Variants in KIF25 observed in about 807,000 individuals in gnomAD.
KIF25 encodes the protein kinesin-like protein KIF25.
KIF25 carries 19 observed loss-of-function variants against 32.9 expected under a neutral mutation model. The ratio of observed to expected loss-of-function variants is 0.58; its 90% CI spans 0.40 to 0.85. The LOEUF is 0.85. Among genes scored for constraint, KIF25 ranks in the 40% least tolerant of loss-of-function variants. The pLI is 0.00. For missense variants in KIF25, 485 were observed against 507.0 expected, an observed-to-expected ratio of 0.96 and a Z score of 0.42; for synonymous variants, 225 against 213.7, an observed-to-expected ratio of 1.05 and a Z score of -0.46.
intron 10 of KIF25, 28 bp from the exon 11 acceptor site, chr6:168,041,941 C>T (rs984864014): frequency 6.5e-7 from 1 of 1,548,326 alleles, no homozygotes; most frequent in Non-Finnish European, 8.7e-7. Context: ...AACTGTTTTC[C>T]TCCTCGTCGC....
rs535182976 is a variant in KIF25 at position 168,038,702 on chromosome 6, G to A, written c.467G>A (p.Arg156Gln). 8.1e-6 allele frequency: 13 copies of A among 1,613,976 alleles called. No individual in the cohort carries two copies. Among genetic ancestry groups the A allele is most frequent in the South Asian group, 6.6e-5 (6 of 91,060 alleles). ...GAGGTGGTGACAGCCAAGGATGGAC[G>A]GACAGAGGTTGCGCTGCTGGCCTCT... Reference protein sequence around the residue: ...KREVVTAKDGRTEVALLASEA... With the variant: ...KREVVTAKDGQTEVALLASEA... The change falls in exon 9 of 13, where the codon CGG becomes CAG. Residue 156 changes from arginine to glutamine, a missense_variant. Coordinates refer to ENST00000643607, the MANE Select transcript of KIF25 (RefSeq NM_030615.4).
intron 8 of KIF25, chr6:168,035,598 G>T (rs1184111770): frequency 4.7e-6 from 2 of 426,606 alleles, no homozygotes; most frequent in Non-Finnish European, 9.6e-6. Flanking sequence ...AGATGGCCAG[G>T]CGGCTGCGCC....
chr6:168,022,042 A>G (rs568109056), intron 5 of KIF25, among the ~76,000 whole-genome samples: 1 of 152,236 alleles, frequency 6.6e-6, no homozygotes, highest in African/African-American at 2.4e-5. Flanking sequence ...TTAATCTTTG[A>G]ATTAATGTCA....
intron 8 of KIF25, 105 bp downstream of exon 8, chr6:168,034,136 G>T: frequency 1.7e-6 from 2 of 1,185,164 alleles, no homozygotes; most frequent in Non-Finnish European, 2.4e-6. Flanking sequence ...TGAAGAAGGT[G>T]ATCAAACCCC....
chr6:168,042,479 C>T lies in KIF25; in HGVS notation c.830-82C>T, dbSNP rs78504703. ...GCCTCCCCTCTACCTGCCTGAGAGC[C>T]GCTCCTCCCAAGGAGCCGGTTTTGC... On this transcript the variant is annotated intron_variant, in intron 11 of 12. Coordinates refer to ENST00000643607, the MANE Select transcript of KIF25 (RefSeq NM_030615.4). The T allele has an allele frequency of 2.2e-3, 3,403 of 1,516,300 alleles. 70 individuals carry two copies. The African/African-American group carries it at 0.041, about 18-fold the overall frequency. 93.9% of individuals were successfully genotyped at this position (1,516,300 alleles called of 1,614,324 possible).
intron 2 of KIF25, among the ~76,000 whole-genome samples, chr6:168,000,167 C>T (rs1798478584): frequency 8.3e-6 from 1 of 120,276 alleles, no homozygotes. Context: ...ACACCTGACC[C>T]TCCCCACTCC....
In KIF25 at chr6:168,042,049, G is replaced by T; in HGVS notation, c.727G>T (p.Gly243Trp). 6.4e-7 allele frequency: 1 copy of T among 1,551,410 alleles called. No homozygotes were observed. The highest frequency in any genetic ancestry group is 2.4e-5 in the East Asian group (1 of 40,966). Residue 243 changes from glycine to tryptophan, a missense_variant, in exon 11 of 13, where the codon GGG becomes TGG. Transcript: ENST00000643607. ...RAGRSRRASQ[G>W]ALAPQLVPGN... ...AGGAAGGAGCCGCAGAGCTTCTCAAGGGGCCTTGGCTCCACAGCTGGTTCC... is the reference window on the plus strand; with the variant it reads ...AGGAAGGAGCCGCAGAGCTTCTCAATGGGCCTTGGCTCCACAGCTGGTTCC...
chr6:168,034,633 G>T (rs1403236955), intron 8 of KIF25, among the ~76,000 whole-genome samples: 2 of 152,164 alleles, frequency 1.3e-5, no homozygotes, highest in Non-Finnish European at 2.9e-5. Flanking sequence ...GATGGTGAGG[G>T]ATGGAGGTTT....
chr6:168,033,235 C>T (rs1385188361), intron 7 of KIF25, among the ~76,000 whole-genome samples: 1 of 152,156 alleles, frequency 6.6e-6, no homozygotes, highest in African/African-American at 2.4e-5. Context: ...AAAAATGGCT[C>T]ATGCTTGTAA....
chr6:168,008,545 T>C (rs2636354), intron 4 of KIF25, among the ~76,000 whole-genome samples: 48,521 of 152,034 alleles, frequency 0.32, 7,897 homozygotes, highest in African/African-American at 0.37. Flanking sequence ...TCAGCATTTC[T>C]TTGGCCTTTT....
chr6:168,037,914 C>T (rs1799048451), intron 8 of KIF25, among the ~76,000 whole-genome samples: 1 of 152,148 alleles, frequency 6.6e-6, no homozygotes, highest in Non-Finnish European at 1.5e-5. Flanking sequence ...TGGGGTTTCA[C>T]CAGGTTGGCC....
intron 4 of KIF25, among the ~76,000 whole-genome samples, chr6:168,006,676 AC>A (rs1271327714): frequency 6.6e-6 from 1 of 152,186 alleles, no homozygotes; most frequent in Non-Finnish European, 1.5e-5. Context: ...TAAACACTTC[AC>A]TAACATTGAT....
intron 4 of KIF25, among the ~76,000 whole-genome samples, chr6:168,011,951 A>G (rs557819511): frequency 5.9e-5 from 9 of 152,142 alleles, no homozygotes; most frequent in African/African-American, 1.9e-4. Flanking sequence ...TATTTGGTCT[A>G]GTCTGTTGTT....
intron 8 of KIF25, 96 bp from the exon 9 acceptor site, chr6:168,038,457 T>C (rs955741158): frequency 8.0e-7 from 1 of 1,255,458 alleles, no homozygotes; most frequent in Admixed American, 1.8e-5. Flanking sequence ...GCAGTCTTAC[T>C]GAGCATCCTG....
At chr6:168,007,562 C>T (rs980028830) in intron 4 of KIF25, among the ~76,000 whole-genome samples, 8 of 152,202 alleles carry the variant, frequency 5.3e-5, no homozygotes, top group African/African-American at 1.9e-4. Flanking sequence ...GTCTCCAGCT[C>T]TCTCTGTTAA....
chr6:168,026,432 A>AT (rs1229661366), intron 5 of KIF25, among the ~76,000 whole-genome samples: 2 of 152,244 alleles, frequency 1.3e-5, no homozygotes, highest in Non-Finnish European at 2.9e-5. Flanking sequence ...GCAAGAATTC[A>AT]TTCTGGGGTA....
intron 4 of KIF25, among the ~76,000 whole-genome samples, chr6:168,008,511 T>C (rs890046460): frequency 6.6e-6 from 1 of 152,230 alleles, no homozygotes; most frequent in African/African-American, 2.4e-5. Context: ...GGTAGTGTGA[T>C]TCCTCCAGCT....
chr6:168,001,783 G>A (rs1450637954), intron 2 of KIF25, among the ~76,000 whole-genome samples: 7 of 94,832 alleles, frequency 7.4e-5, no homozygotes, highest in South Asian at 3.6e-4. Context: ...CACCTGAGGC[G>A]TGGCCTTGGG....
At chr6:168,013,029 C>T (rs1225440135) in intron 4 of KIF25, among the ~76,000 whole-genome samples, 3 of 151,794 alleles carry the variant, frequency 2.0e-5, no homozygotes, top group Non-Finnish European at 4.4e-5. Context: ...ATGCCTGGCT[C>T]GGGGATATGC....
Sources: allele counts gnomAD v4.1 joint callset (sites outside exome capture counted in the v4.1 genomes callset), GRCh38; gene constraint gnomAD v4.1.1; transcripts MANE v1.5; gene names NCBI Gene and HGNC (gene_info 2026-07-23, HGNC 2026-07-21).